EYA1: variants seen among roughly 807,000 people sequenced by gnomAD.
EYA1 encodes protein phosphatase EYA1.
Under a neutral mutation model 82.0 loss-of-function variants are expected in EYA1, and 16 were observed. That is an observed-to-expected ratio of 0.20 (90% confidence interval 0.13 to 0.30). The LOEUF (loss-of-function observed/expected upper bound fraction) is 0.30, where lower values mean the gene tolerates loss of function less well. Ranked by LOEUF, EYA1 falls within the 10% of genes least tolerant of loss-of-function variation. EYA1 has a pLI of 1.00. For missense variants in EYA1, 633 were observed against 730.7 expected, an observed-to-expected ratio of 0.87 and a Z score of 1.54; for synonymous variants, 261 against 264.4, an observed-to-expected ratio of 0.99 and a Z score of 0.12.
At chr8:71,443,140 G>A (rs533707674) in intron 2 of EYA1, among the ~76,000 whole-genome samples, 58 of 152,198 alleles carry the variant, frequency 3.8e-4, no homozygotes, top group African/African-American at 1.3e-3. Context: ...AATGGTCCAG[G>A]ACAGAAAGAT....
intron 2 of EYA1, among the ~76,000 whole-genome samples, chr8:71,453,182 C>A (rs775286666): frequency 6.6e-6 from 1 of 151,978 alleles, no homozygotes; most frequent in Non-Finnish European, 1.5e-5. Flanking sequence ...GATTGAAGAT[C>A]AAATGAATGA....
At chr8:71,288,703 G>T (rs1818665806) in intron 9 of EYA1, among the ~76,000 whole-genome samples, 1 of 152,284 alleles carries the variant, frequency 6.6e-6, no homozygotes, top group East Asian at 1.9e-4. Context: ...TTTTCTCACA[G>T]AAACGATGTC....
intron 2 of EYA1, among the ~76,000 whole-genome samples, chr8:71,407,742 C>A (rs912929855): frequency 3.8e-5 from 5 of 131,688 alleles, no homozygotes; most frequent in African/African-American, 1.4e-4. Context: ...AAATCTACAT[C>A]TGATTGGTGT....
At chr8:71,433,052 G>A (rs1805739609) in intron 2 of EYA1, among the ~76,000 whole-genome samples, 1 of 152,142 alleles carries the variant, frequency 6.6e-6, no homozygotes, top group African/African-American at 2.4e-5. Flanking sequence ...AGAGACACAG[G>A]CTACTACTAG....
intron 3 of EYA1, among the ~76,000 whole-genome samples, chr8:71,351,972 T>G (rs1038294337): frequency 6.6e-6 from 1 of 152,168 alleles, no homozygotes; most frequent in Non-Finnish European, 1.5e-5. Flanking sequence ...TTAATTTCTA[T>G]TGGGCTGAGA....
intron 11 of EYA1, among the ~76,000 whole-genome samples, chr8:71,269,227 C>T (rs1816226131): frequency 6.6e-6 from 1 of 152,176 alleles, no homozygotes; most frequent in South Asian, 2.1e-4. Flanking sequence ...CATGGTCCCA[C>T]TGCCTTTCAG....
chr8:71,522,858 C>T (rs952298439), intron 2 of EYA1, among the ~76,000 whole-genome samples: 1 of 152,176 alleles, frequency 6.6e-6, no homozygotes, highest in Non-Finnish European at 1.5e-5. Context: ...AATCCTCCCA[C>T]CTTAGCTTCC....
rs950508210 is a variant in EYA1 at position 71,197,934 on chromosome 8, A to C, written c.*1406T>G. On this transcript the variant is annotated 3_prime_UTR_variant, in exon 18 of 18. Coordinates refer to ENST00000340726, the MANE Select transcript of EYA1 (RefSeq NM_000503.6). The stretch of plus-strand genomic sequence containing the variant: ...TTATTTCCCCAGATTGATGCCTGTC[A>C]TGTAGTACATAATGCAGGTGGAGAG... 2 of 152,264 alleles carry C rather than the reference A, an allele frequency of 1.3e-5. No homozygotes were observed. Among genetic ancestry groups the C allele is most frequent in the Admixed American group, 1.3e-4 (2 of 15,282 alleles). 9.4% of individuals were successfully genotyped at this position (152,264 alleles called of 1,614,324 possible). A position where few individuals can be genotyped will look rare whatever the true frequency, so the allele number is the denominator to read the frequency against.
chr8:71,495,408 G>A (rs1229843829), intron 2 of EYA1, among the ~76,000 whole-genome samples: 1 of 152,190 alleles, frequency 6.6e-6, no homozygotes, highest in Non-Finnish European at 1.5e-5. Flanking sequence ...GAGGTCAGGA[G>A]TTCGAGACCA....
Position 71,356,484 on chromosome 8 carries a change from C to T in EYA1, c.-27G>A. On this transcript the variant is annotated 5_prime_UTR_variant, in exon 2 of 18. It removes an upstream start codon present in the reference 5' UTR. Coordinates refer to ENST00000340726, the MANE Select transcript of EYA1 (RefSeq NM_000503.6). Reference sequence around the variant, plus strand: ...TACCTGCAACTTGAGGAAACAGCAACATCTGAACTGGCTTGAGATGTTTGC... The same window carrying T: ...TACCTGCAACTTGAGGAAACAGCAATATCTGAACTGGCTTGAGATGTTTGC... 1 of 1,584,448 alleles carries T rather than the reference C, an allele frequency of 6.3e-7. No homozygotes were observed.
At chr8:71,453,122 T>C (rs1375798955) in intron 2 of EYA1, among the ~76,000 whole-genome samples, 1 of 152,158 alleles carries the variant, frequency 6.6e-6, no homozygotes, top group Non-Finnish European at 1.5e-5. Flanking sequence ...ACGTGACGAA[T>C]GCACAAGCTT....
chr8:71,333,423 T>G (rs1824121045), intron 4 of EYA1, among the ~76,000 whole-genome samples: 1 of 152,198 alleles, frequency 6.6e-6, no homozygotes, highest in African/African-American at 2.4e-5. Flanking sequence ...GTCAAAATTC[T>G]AAGAATTACC....
chr8:71,496,239 A>C (rs1811400077), intron 2 of EYA1, among the ~76,000 whole-genome samples: 1 of 152,206 alleles, frequency 6.6e-6, no homozygotes, highest in Admixed American at 6.5e-5. Flanking sequence ...CAGTTTGTGA[A>C]TCTAATTGCT....
chr8:71,281,721 G>A (rs1316737786), intron 9 of EYA1, among the ~76,000 whole-genome samples: 2 of 152,150 alleles, frequency 1.3e-5, no homozygotes, highest in Admixed American at 6.5e-5. Flanking sequence ...TGTTCAGCTG[G>A]GCCTGCAACT....
intron 12 of EYA1, chr8:71,225,189 G>A (rs1219720210): frequency 9.7e-5 from 44 of 455,782 alleles, no homozygotes; most frequent in South Asian, 4.6e-5. Flanking sequence ...GCTTTCTAAG[G>A]GCACGTCCAA....
chr8:71,402,598 C>A (rs1320838119), intron 2 of EYA1, among the ~76,000 whole-genome samples: 5 of 152,060 alleles, frequency 3.3e-5, no homozygotes, highest in African/African-American at 1.2e-4. Context: ...TATGAGAGAA[C>A]TGAGTAAAAT....
chr8:71,376,606 G>C lies in EYA1; in HGVS notation c.34-20095C>G, dbSNP rs955795498. 2.0e-5 allele frequency among the ~76,000 whole-genome samples: 3 copies of C among 152,066 alleles called. No individual in the cohort carries two copies. The East Asian group carries it at 5.8e-4, about 29-fold the overall frequency. On this transcript the variant is annotated intron_variant, in intron 2 of 18. Transcript: ENST00000643681. ...TTCTCTGGGCAACTGATGATATGTGGTCAGATTTAGGGTATATTTGGAATT... is the reference window on the plus strand; with the variant it reads ...TTCTCTGGGCAACTGATGATATGTGCTCAGATTTAGGGTATATTTGGAATT...
intron 11 of EYA1, among the ~76,000 whole-genome samples, chr8:71,255,970 A>G (rs1204969025): frequency 6.6e-6 from 1 of 152,202 alleles, no homozygotes; most frequent in Non-Finnish European, 1.5e-5. Flanking sequence ...ATCATTATTC[A>G]TGAGGGAAAT....
At chr8:71,258,887 C>T (rs1357806339) in intron 11 of EYA1, among the ~76,000 whole-genome samples, 1 of 152,044 alleles carries the variant, frequency 6.6e-6, no homozygotes, top group Non-Finnish European at 1.5e-5. Flanking sequence ...TAGTCATGTT[C>T]GTGAGGCAGC....
Sources: gnomAD v4.1 joint callset for allele counts (sites outside exome capture counted in the v4.1 genomes callset) on GRCh38, gnomAD v4.1.1 for gene constraint, MANE v1.5 for transcripts, NCBI Gene and HGNC (gene_info 2026-07-23, HGNC 2026-07-21) for gene names.